The following GNG2 variants were observed in gnomAD, a reference collection of about 807,000 sequenced individuals.
GNG2 encodes the protein G protein subunit gamma 2.
In GNG2, 5 loss-of-function variants were observed where a neutral mutation model predicts 5.5. That is an observed-to-expected ratio of 0.91 (90% CI 0.48 to 1.92). The LOEUF (loss-of-function observed/expected upper bound fraction) is 1.92, where lower values mean the gene tolerates loss of function less well. Ranked by LOEUF, GNG2 falls within the 30% of genes most tolerant of loss-of-function variation. GNG2 has a pLI of 0.01. For synonymous variants in GNG2, 28 were observed against 32.0 expected (o/e 0.88, Z 0.42); for missense variants, 55 against 88.4 (o/e 0.62, Z 1.52).
chr14:51,848,945 C>T (rs901864045), intron 2 of GNG2, among the ~76,000 whole-genome samples: 13 of 152,224 alleles, frequency 8.5e-5, no homozygotes, highest in East Asian at 3.8e-4. Context: ...TAATGAAGTA[C>T]TGGGTACTAT....
intron 2 of GNG2, among the ~76,000 whole-genome samples, chr14:51,903,286 A>G (rs1885682279): frequency 6.6e-6 from 1 of 152,226 alleles, no homozygotes; most frequent in African/African-American, 2.4e-5. Flanking sequence ...ATGTCTTTTA[A>G]ACAGAAGCAC....
intron 3 of GNG2, among the ~76,000 whole-genome samples, chr14:51,956,940 C>T (rs899938045): frequency 1.3e-5 from 2 of 152,112 alleles, no homozygotes; most frequent in South Asian, 4.1e-4. Context: ...GAGTAATTCT[C>T]CTGTTTTTTT....
chr14:51,930,066 C>G (rs998040780), intron 2 of GNG2, among the ~76,000 whole-genome samples: 1 of 152,236 alleles, frequency 6.6e-6, no homozygotes, highest in Admixed American at 6.5e-5. Flanking sequence ...ATGTTAGCCT[C>G]AAGCCATGTG....
intron 2 of GNG2, among the ~76,000 whole-genome samples, chr14:51,848,339 A>C (rs1256460746): frequency 3.3e-5 from 5 of 152,112 alleles, no homozygotes. Flanking sequence ...TGTTCAGACC[A>C]TTTCCCACCC....
chr14:51,885,400 G>T (rs1884378934), intron 2 of GNG2, among the ~76,000 whole-genome samples: 1 of 152,232 alleles, frequency 6.6e-6, no homozygotes, highest in African/African-American at 2.4e-5. Flanking sequence ...TGCTTTCTAA[G>T]AGCCATCTGA....
chr14:51,949,281 T>C (rs1204266314), intron 2 of GNG2, among the ~76,000 whole-genome samples: 1 of 149,506 alleles, frequency 6.7e-6, no homozygotes, highest in Non-Finnish European at 1.5e-5. Context: ...TTTCTTCTTT[T>C]GTCTTGAAGA....
intron 2 of GNG2, among the ~76,000 whole-genome samples, chr14:51,903,670 G>T (rs914744146): frequency 6.6e-6 from 1 of 151,964 alleles, no homozygotes; most frequent in Non-Finnish European, 1.5e-5. Flanking sequence ...TTTCCTCTAA[G>T]ATCAAGAAGA....
At chr14:51,871,610 G>A (rs1883302651) in intron 1 of GNG2, among the ~76,000 whole-genome samples, 1 of 152,186 alleles carries the variant, frequency 6.6e-6, no homozygotes, top group Non-Finnish European at 1.5e-5. Flanking sequence ...TGCCTGAATT[G>A]TAGTGTAATT....
At chr14:51,890,646 C>T (rs1181746997) in intron 2 of GNG2, among the ~76,000 whole-genome samples, 2 of 152,166 alleles carry the variant, frequency 1.3e-5, no homozygotes, top group Non-Finnish European at 2.9e-5. Flanking sequence ...ATATGGCTCT[C>T]AGCAATATTC....
At chr14:51,837,661 A>AG (rs1323583687) in intron 2 of GNG2, among the ~76,000 whole-genome samples, 1 of 151,862 alleles carries the variant, frequency 6.6e-6, no homozygotes, top group East Asian at 1.9e-4. Context: ...AAAAAAAAAA[A>AG]AGTATGACTC....
intron 2 of GNG2, chr14:51,914,088 GC>G: frequency 1.6e-6 from 1 of 609,616 alleles, no homozygotes. Flanking sequence ...TTGCTTGCTT[GC>G]CTTTTTATCT....
At chr14:51,914,058 T>C in intron 2 of GNG2, 1 of 572,930 alleles carries the variant, frequency 1.7e-6, no homozygotes, top group Non-Finnish European at 3.1e-6. Context: ...GTATCCAATA[T>C]AAAGTTCAAG....
chr14:51,887,566 A>G (rs1431857104), intron 2 of GNG2, among the ~76,000 whole-genome samples: 3 of 152,198 alleles, frequency 2.0e-5, no homozygotes, highest in East Asian at 1.9e-4. Context: ...TAAAGCATCA[A>G]CCTCTTCTGT....
intron 2 of GNG2, among the ~76,000 whole-genome samples, chr14:51,930,668 G>A (rs1260642008): frequency 1.3e-5 from 2 of 152,198 alleles, no homozygotes; most frequent in East Asian, 1.9e-4. Context: ...TTGCATTGCT[G>A]TAAAGAAGTA....
At chr14:51,836,927 G>A (rs944732215) in intron 2 of GNG2, among the ~76,000 whole-genome samples, 1 of 145,004 alleles carries the variant, frequency 6.9e-6, no homozygotes, top group Non-Finnish European at 1.5e-5. Context: ...GCATGATCTC[G>A]GCTCATTGTA....
At chr14:51,844,673 C>T (rs186061215) in intron 2 of GNG2, among the ~76,000 whole-genome samples, 1 of 152,298 alleles carries the variant, frequency 6.6e-6, no homozygotes, top group Non-Finnish European at 1.5e-5. Context: ...CCAGCTGACT[C>T]CCAGCTGGAG....
At chr14:51,885,718 G>T (rs537195445) in intron 2 of GNG2, among the ~76,000 whole-genome samples, 1 of 151,896 alleles carries the variant, frequency 6.6e-6, no homozygotes, top group South Asian at 2.1e-4. Flanking sequence ...ATAACATTTT[G>T]GCTTCATTAA....
intron 2 of GNG2, among the ~76,000 whole-genome samples, chr14:51,881,058 T>A (rs1333924863): frequency 6.6e-6 from 1 of 151,110 alleles, no homozygotes; most frequent in South Asian, 2.1e-4. Context: ...CTTTCAGTTC[T>A]CCTGTGTTAC....
intron 2 of GNG2, among the ~76,000 whole-genome samples, chr14:51,914,989 C>T (rs1224183184): frequency 1.3e-5 from 2 of 152,204 alleles, no homozygotes; most frequent in African/African-American, 4.8e-5. Context: ...TCCATGACTG[C>T]TTGCTTGAGT....
Sources: gnomAD v4.1 joint callset for allele counts (sites outside exome capture counted in the v4.1 genomes callset) on GRCh38, gnomAD v4.1.1 for gene constraint, MANE v1.5 for transcripts, NCBI Gene and HGNC (gene_info 2026-07-23, HGNC 2026-07-21) for gene names.